Variants in POFUT3 observed in about 807,000 individuals in gnomAD.
POFUT3 encodes protein O-fucosyltransferase 3, also known as GDP-fucose protein O-fucosyltransferase 3.
At chr8:33,412,066 A>G in the POFUT3 span, among the ~76,000 whole-genome samples, 1 of 152,236 alleles carries the variant, frequency 6.6e-6, no homozygotes, top group Non-Finnish European at 1.5e-5. Context: ...ACCACTTGAC[A>G]GAATTAACAT....
the POFUT3 span, among the ~76,000 whole-genome samples, chr8:33,455,439 A>G: frequency 6.6e-6 from 1 of 152,160 alleles, no homozygotes; most frequent in African/African-American, 2.4e-5. Flanking sequence ...CCAGAGGATC[A>G]CTTGAGTCCA....
the POFUT3 span, among the ~76,000 whole-genome samples, chr8:33,381,221 T>A: frequency 6.6e-6 from 1 of 152,180 alleles, no homozygotes; most frequent in Non-Finnish European, 1.5e-5. Context: ...AAAAAGTAAA[T>A]TCTATTAACC....
the POFUT3 span, among the ~76,000 whole-genome samples, chr8:33,335,152 T>TGTGTGTGTGC: frequency 2.2e-5 from 1 of 45,692 alleles, no homozygotes; most frequent in East Asian, 1.9e-3. Flanking sequence ...AAGAAATATA[T>TGTGTGTGTGC]GTGTGTGTGT....
chr8:33,397,707 T>A, the POFUT3 span, among the ~76,000 whole-genome samples: 1 of 152,326 alleles, frequency 6.6e-6, no homozygotes, highest in African/African-American at 2.4e-5. Context: ...AAAGACCACA[T>A]ACAGATGTAT....
chr8:33,318,831 T>C, the POFUT3 span, among the ~76,000 whole-genome samples: 12 of 51,860 alleles, frequency 2.3e-4, no homozygotes, highest in East Asian at 5.3e-3. Context: ...ATATATTTTA[T>C]ATATATTTAT....
the POFUT3 span, among the ~76,000 whole-genome samples, chr8:33,427,756 T>C: frequency 3.3e-5 from 5 of 152,238 alleles, no homozygotes; most frequent in South Asian, 1.0e-3. Context: ...TGTCCTCAAC[T>C]TACCACAATA....
the POFUT3 span, among the ~76,000 whole-genome samples, chr8:33,403,373 T>C: frequency 6.6e-6 from 1 of 152,058 alleles, no homozygotes; most frequent in Non-Finnish European, 1.5e-5. Flanking sequence ...AGTAGTGAAG[T>C]CTCTCATTAC....
At chr8:33,380,229 AC>A in the POFUT3 span, among the ~76,000 whole-genome samples, 14 of 80,688 alleles carry the variant, frequency 1.7e-4, no homozygotes, top group African/African-American at 9.4e-4. Flanking sequence ...ATATATATAT[AC>A]TATATATATA....
the POFUT3 span, among the ~76,000 whole-genome samples, chr8:33,397,305 G>A: frequency 2.0e-5 from 3 of 152,234 alleles, no homozygotes; most frequent in African/African-American, 7.2e-5. Context: ...GGGAAGAGGA[G>A]AGGTTTTGGG....
the POFUT3 span, among the ~76,000 whole-genome samples, chr8:33,340,297 G>T: frequency 6.6e-6 from 1 of 151,870 alleles, no homozygotes; most frequent in East Asian, 1.9e-4. Flanking sequence ...ATAATAATAT[G>T]TCAGTGTAGA....
At chr8:33,463,691 T>C in the POFUT3 span, among the ~76,000 whole-genome samples, 1 of 152,078 alleles carries the variant, frequency 6.6e-6, no homozygotes. Context: ...ACTAATGGCA[T>C]GTGCCACCAC....
the POFUT3 span, among the ~76,000 whole-genome samples, chr8:33,423,320 G>A: frequency 6.6e-6 from 1 of 151,690 alleles, no homozygotes; most frequent in South Asian, 2.1e-4. Flanking sequence ...CCAAGCCATG[G>A]TACAGTGGCA....
the POFUT3 span, among the ~76,000 whole-genome samples, chr8:33,401,215 A>G: frequency 6.6e-6 from 1 of 152,158 alleles, no homozygotes; most frequent in Admixed American, 6.5e-5. Context: ...CAAACTCCTG[A>G]CCTCAGGTGA....
the POFUT3 span, among the ~76,000 whole-genome samples, chr8:33,449,935 CTTTTTT>C: frequency 9.8e-5 from 11 of 112,334 alleles, no homozygotes; most frequent in African/African-American, 3.8e-4. Flanking sequence ...TGAAGCTTTT[CTTTTTT>C]TTTTTTTTTT....
chr8:33,346,191 G>A, the POFUT3 span, among the ~76,000 whole-genome samples: 3 of 151,664 alleles, frequency 2.0e-5, no homozygotes, highest in African/African-American at 7.3e-5. Flanking sequence ...TCTGTGAGAG[G>A]CATTCAAACT....
the POFUT3 span, chr8:33,388,921 T>C: frequency 1.3e-6 from 2 of 1,496,752 alleles, no homozygotes; most frequent in African/African-American, 1.4e-5. Context: ...AACATCAAGA[T>C]GGCCAGCCTG....
chr8:33,330,294 A>G, the POFUT3 span, among the ~76,000 whole-genome samples: 1 of 152,112 alleles, frequency 6.6e-6, no homozygotes, highest in Non-Finnish European at 1.5e-5. Flanking sequence ...AAATGCAAAA[A>G]TGAGCTGGGT....
At chr8:33,368,131 A>C in the POFUT3 span, among the ~76,000 whole-genome samples, 27 of 152,200 alleles carry the variant, frequency 1.8e-4, no homozygotes, top group Admixed American at 1.5e-3. Flanking sequence ...TCACTGTTCC[A>C]GGAGGATACA....
chr8:33,423,591 C>T, the POFUT3 span, among the ~76,000 whole-genome samples: 1 of 151,998 alleles, frequency 6.6e-6, no homozygotes, highest in Admixed American at 6.6e-5. Flanking sequence ...GTTTTTGACC[C>T]TCACAGGCAT....
Sources: gnomAD v4.1 joint callset for allele counts (sites outside exome capture counted in the v4.1 genomes callset) on GRCh38, gnomAD v4.1.1 for gene constraint, MANE v1.5 for transcripts, NCBI Gene and HGNC (gene_info 2026-07-23, HGNC 2026-07-21) for gene names.